The following CADPS2 variants were observed in gnomAD, a reference collection of about 807,000 sequenced individuals.
CADPS2 encodes the protein calcium dependent secretion activator 2, also known as calcium-dependent secretion activator 2.
A neutral mutation model predicts 172.5 loss-of-function variants in CADPS2; 93 were observed. The ratio of observed to expected loss-of-function variants is 0.54; its 90% CI spans 0.46 to 0.64. CADPS2 has a LOEUF of 0.64. Ranked by LOEUF, CADPS2 falls within the 30% of genes least tolerant of loss-of-function variation. CADPS2 has a pLI of 0.00. For missense variants in CADPS2, 1,420 were observed against 1,565.9 expected, an observed-to-expected ratio of 0.91 and a Z score of 1.57; for synonymous variants, 546 against 555.2, an observed-to-expected ratio of 0.98 and a Z score of 0.23.
intron 9 of CADPS2, among the ~76,000 whole-genome samples, chr7:122,498,230 G>A (rs2058911073): frequency 6.6e-6 from 1 of 152,278 alleles, no homozygotes; most frequent in Non-Finnish European, 1.5e-5. Context: ...TTACAGGTGT[G>A]AGCCACCATA....
intron 1 of CADPS2, among the ~76,000 whole-genome samples, chr7:122,749,849 G>A (rs953781329): frequency 8.6e-5 from 13 of 151,374 alleles, no homozygotes; most frequent in Non-Finnish European, 1.9e-4. Context: ...ACATTAGGGT[G>A]ACATAAATAC....
At chr7:122,418,544 G>A (rs1215361878) in intron 17 of CADPS2, among the ~76,000 whole-genome samples, 1 of 152,202 alleles carries the variant, frequency 6.6e-6, no homozygotes, top group Admixed American at 6.5e-5. Flanking sequence ...TTTGGTGGTT[G>A]CCTCCAACAA....
At chr7:122,884,616 GAATA>G (rs146643868) in intron 1 of CADPS2, among the ~76,000 whole-genome samples, 6,650 of 152,220 alleles carry the variant, frequency 0.044, 491 homozygotes, top group African/African-American at 0.15. Flanking sequence ...GATTCCCAGA[GAATA>G]AATGATTCCA....
rs1279150851 is a variant in CADPS2 at position 122,416,152 on chromosome 7, T to G, written c.2489A>C (p.Gln830Pro). 3.2e-6 allele frequency: 5 copies of G among 1,543,244 alleles called. No individual in the cohort carries two copies. The highest frequency in any genetic ancestry group is 4.4e-6 in the Non-Finnish European group (5 of 1,138,728). ...TTCCAGCTTTCTAGCAGGAGATGCC[T>G]GGTTCATGGTCTCTATATGAAAAAA... The part of the protein sequence containing the change: ...EYAKIEETMN[Q>P]ASPARKLEEI... Residue 830 changes from glutamine to proline, a missense_variant, in exon 18 of 30, where the codon CAG (glutamine) becomes CCG (proline). Gln to Pro is a moderately conservative substitution (Grantham distance 76, BLOSUM62 -1). Coordinates refer to ENST00000449022, the MANE Select transcript of CADPS2 (RefSeq NM_017954.11).
At chr7:122,397,306 GTTAT>G (rs1230860573) in intron 20 of CADPS2, among the ~76,000 whole-genome samples, 1 of 151,520 alleles carries the variant, frequency 6.6e-6, no homozygotes, top group Admixed American at 6.6e-5. Flanking sequence ...TCAGCAAAGA[GTTAT>G]TTTTTATTTG....
intron 1 of CADPS2, among the ~76,000 whole-genome samples, chr7:122,803,355 G>A (rs984247050): frequency 1.3e-5 from 2 of 152,144 alleles, no homozygotes; most frequent in South Asian, 2.1e-4. Context: ...TTTGAAGTTA[G>A]GAACAAGAAC....
At chr7:122,794,681 T>C (rs535884079) in intron 1 of CADPS2, among the ~76,000 whole-genome samples, 2 of 151,132 alleles carry the variant, frequency 1.3e-5, no homozygotes, top group Non-Finnish European at 2.9e-5. Context: ...TATCACCACA[T>C]GGCACATCCT....
At chr7:122,654,252 C>T (rs2135087791) in intron 3 of CADPS2, among the ~76,000 whole-genome samples, 1 of 152,266 alleles carries the variant, frequency 6.6e-6, no homozygotes, top group Middle Eastern at 3.4e-3. Flanking sequence ...AGTAAGTTAT[C>T]CAGAAGATCT....
At chr7:122,429,269 C>G (rs2049575862) in intron 17 of CADPS2, among the ~76,000 whole-genome samples, 1 of 149,414 alleles carries the variant, frequency 6.7e-6, no homozygotes, top group South Asian at 2.1e-4. Flanking sequence ...TGCACACACA[C>G]AGCTTTTTTT....
intron 25 of CADPS2, 155 bp downstream of exon 25, chr7:122,379,213 T>A (rs890841919): frequency 2.0e-6 from 1 of 503,272 alleles, no homozygotes; most frequent in Non-Finnish European, 3.5e-6. Context: ...GTTCCTAACC[T>A]TTTTTTGCTC....
At chr7:122,471,297 A>T in intron 14 of CADPS2, 78 bp downstream of exon 14, 1 of 816,722 alleles carries the variant, frequency 1.2e-6, no homozygotes, top group Non-Finnish European at 1.7e-6. Context: ...TTACTGGGTG[A>T]TAATCGCAAA....
At chr7:122,589,556 C>T (rs1448833132) in intron 6 of CADPS2, among the ~76,000 whole-genome samples, 1 of 151,894 alleles carries the variant, frequency 6.6e-6, no homozygotes, top group Non-Finnish European at 1.5e-5. Flanking sequence ...CACTAATGTA[C>T]TTCAGCCAAA....
rs561427488 is a variant in CADPS2, at chr7:122,541,729, A to G, written c.1475+12821T>C. On this transcript the variant is annotated intron_variant, in intron 8 of 29. Coordinates refer to ENST00000449022, the MANE Select transcript of CADPS2 (RefSeq NM_017954.11). ...TTCATATATTTACATATATTCATATATATTTATTCATATATTTACATATAT... is the reference window on the plus strand; with the variant it reads ...TTCATATATTTACATATATTCATATGTATTTATTCATATATTTACATATAT... Among the ~76,000 whole-genome samples, 5 of 144,460 alleles carry G rather than the reference A, an allele frequency of 3.5e-5. No homozygotes were observed. The South Asian group carries it at 1.1e-3, about 30-fold the overall frequency. The allele number at this position is 144,460 out of a possible 152,430, so 94.8% of individuals were successfully genotyped here.
chr7:122,705,623 AT>A (rs1226763246), intron 2 of CADPS2, among the ~76,000 whole-genome samples: 2 of 104,598 alleles, frequency 1.9e-5, no homozygotes, highest in Non-Finnish European at 3.5e-5. Context: ...ATTTATATAT[AT>A]TATATATGAT....
intron 1 of CADPS2, among the ~76,000 whole-genome samples, chr7:122,822,027 C>A (rs954312921): frequency 6.6e-6 from 1 of 152,048 alleles, no homozygotes; most frequent in African/African-American, 2.4e-5. Context: ...ATTCACCGTT[C>A]TCAACTACTC....
intron 2 of CADPS2, among the ~76,000 whole-genome samples, chr7:122,688,225 G>C (rs1021407114): frequency 7.9e-5 from 12 of 152,178 alleles, no homozygotes; most frequent in Non-Finnish European, 1.3e-4. Context: ...GATGTAGAGA[G>C]GTTTTAAAAT....
At position 122,474,489 on chromosome 7, in the gene CADPS2, C is replaced by A. The variant is rs190105735; in HGVS notation, c.1890G>T (p.Met630Ile). Reference sequence around the variant, plus strand: ...AGGGGTTTGCAGAAATAAACTCATCCATACCATGTTTCTGAAAACGATCTG... The same window carrying A: ...AGGGGTTTGCAGAAATAAACTCATCAATACCATGTTTCTGAAAACGATCTG... ...KDADRFQKHG[M>I]DEFISANPCK... Residue 630 changes from methionine to isoleucine, a missense_variant, in exon 13 of 30, where the codon ATG (methionine) becomes ATT (isoleucine). Met to Ile is a conservative substitution (Grantham distance 10). Coordinates refer to ENST00000449022, the MANE Select transcript of CADPS2 (RefSeq NM_017954.11). 1.8e-5 allele frequency: 29 copies of A among 1,612,998 alleles called. No homozygotes were observed. The highest frequency in any genetic ancestry group is 4.0e-5 in the African/African-American group (3 of 74,906).
chr7:122,788,047 G>A (rs1487412437), intron 1 of CADPS2, among the ~76,000 whole-genome samples: 1 of 152,156 alleles, frequency 6.6e-6, no homozygotes, highest in East Asian at 1.9e-4. Flanking sequence ...GGGAGACTGA[G>A]AAAGTAGAAG....
chr7:122,706,545 G>C (rs1298674860), intron 2 of CADPS2, among the ~76,000 whole-genome samples: 1 of 147,168 alleles, frequency 6.8e-6, no homozygotes, highest in Non-Finnish European at 1.5e-5. Flanking sequence ...GGTTCAAAAA[G>C]TCATTCTACC....
Sources: gnomAD v4.1 joint callset for allele counts (sites outside exome capture counted in the v4.1 genomes callset) on GRCh38, gnomAD v4.1.1 for gene constraint, MANE v1.5 for transcripts, NCBI Gene and HGNC (gene_info 2026-07-23, HGNC 2026-07-21) for gene names.